The following WWOX variants were observed in gnomAD, a reference collection of about 807,000 sequenced individuals.
The protein encoded by WWOX is WW domain containing oxidoreductase.
A neutral mutation model predicts 46.2 loss-of-function variants in WWOX; 69 were observed. That is an observed-to-expected ratio of 1.49 (90% CI 1.23 to 1.82). The LOEUF is 1.82. Ranked by LOEUF, WWOX falls within the 40% of genes most tolerant of loss-of-function variation. The pLI is 0.00. For synonymous variants in WWOX, 359 were observed against 202.6 expected (o/e 1.77, Z -6.56); for missense variants, 919 against 542.6 (o/e 1.69, Z -6.89).
intron 5 of WWOX, among the ~76,000 whole-genome samples, chr16:78,363,958 C>G (rs1394060271): frequency 6.6e-6 from 1 of 152,216 alleles, no homozygotes; most frequent in South Asian, 2.1e-4. Flanking sequence ...GTCACTCTTG[C>G]TGACATCCGA....
intron 8 of WWOX, among the ~76,000 whole-genome samples, chr16:78,537,623 C>T (rs527735011): frequency 6.6e-6 from 1 of 151,900 alleles, no homozygotes; most frequent in Non-Finnish European, 1.5e-5. Context: ...CAGATAGGCT[C>T]GAAGAAAGAG....
chr16:78,894,423 A>T (rs1420527195), intron 8 of WWOX, among the ~76,000 whole-genome samples: 1 of 152,186 alleles, frequency 6.6e-6, no homozygotes, highest in Non-Finnish European at 1.5e-5. Context: ...AAGCATGTAG[A>T]TCATAAAGTC....
chr16:78,874,558 G>A (rs568267287), intron 8 of WWOX, among the ~76,000 whole-genome samples: 2 of 152,030 alleles, frequency 1.3e-5, no homozygotes, highest in Non-Finnish European at 2.9e-5. Flanking sequence ...GTTATTCATG[G>A]CAAAAGATGT....
chr16:78,805,945 C>G (rs908035278), intron 8 of WWOX, among the ~76,000 whole-genome samples: 2 of 152,106 alleles, frequency 1.3e-5, no homozygotes, highest in Non-Finnish European at 2.9e-5. Flanking sequence ...GGAATAACAC[C>G]CAATGCCACC....
At chr16:79,186,223 C>G (rs1472359813) in intron 8 of WWOX, among the ~76,000 whole-genome samples, 1 of 152,146 alleles carries the variant, frequency 6.6e-6, no homozygotes, top group Non-Finnish European at 1.5e-5. Flanking sequence ...TCAGTGTGTG[C>G]TTCCCATGGC....
chr16:78,960,918 G>A (rs1173447082), intron 8 of WWOX, among the ~76,000 whole-genome samples: 2 of 152,112 alleles, frequency 1.3e-5, no homozygotes, highest in African/African-American at 2.4e-5. Context: ...CAGAACCTAC[G>A]GGGCTTGCTT....
At chr16:78,788,708 C>G (rs4888850) in intron 8 of WWOX, among the ~76,000 whole-genome samples, 22,527 of 152,220 alleles carry the variant, frequency 0.15, 2,145 homozygotes, top group South Asian at 0.23. Flanking sequence ...GTCATCTGCT[C>G]CAGCAAATTA....
intron 8 of WWOX, among the ~76,000 whole-genome samples, chr16:78,643,090 G>A (rs769322001): frequency 6.6e-6 from 1 of 152,148 alleles, no homozygotes; most frequent in Non-Finnish European, 1.5e-5. Context: ...AAGATAAGGT[G>A]CTCTCCATTG....
At chr16:79,038,193 A>C (rs1166064488) in intron 8 of WWOX, among the ~76,000 whole-genome samples, 2 of 151,944 alleles carry the variant, frequency 1.3e-5, no homozygotes, top group African/African-American at 4.8e-5. Flanking sequence ...TTGTCAGCTC[A>C]CACCCTGTTG....
At chr16:78,667,605 A>G (rs1296007427) in intron 8 of WWOX, among the ~76,000 whole-genome samples, 2 of 141,484 alleles carry the variant, frequency 1.4e-5, no homozygotes, top group Non-Finnish European at 3.0e-5. Context: ...TGGGAGGCAG[A>G]GGTAGCAGTG....
At chr16:78,984,724 G>A (rs1276785793) in intron 8 of WWOX, among the ~76,000 whole-genome samples, 2 of 152,162 alleles carry the variant, frequency 1.3e-5, no homozygotes, top group South Asian at 2.1e-4. Context: ...TTGTAATACC[G>A]TTTAGTTAGA....
intron 8 of WWOX, among the ~76,000 whole-genome samples, chr16:79,072,890 G>C (rs1197249168): frequency 2.0e-5 from 3 of 152,156 alleles, no homozygotes; most frequent in African/African-American, 4.8e-5. Flanking sequence ...TTTGGGCTGA[G>C]ATGATGAGAA....
rs1230446159 is a variant in WWOX, at chr16:78,854,421, G to C, written c.1057-357187G>C. Among the ~76,000 whole-genome samples the C allele has an allele frequency of 2.0e-5, 3 of 152,138 alleles. No individual in the cohort carries two copies. The South Asian group carries it at 6.2e-4, about 31-fold the overall frequency. On this transcript the variant is annotated intron_variant, in intron 8 of 8. Coordinates refer to ENST00000566780, the MANE Select transcript of WWOX (RefSeq NM_016373.4). ...CATTCTAATTTGGCAGTGAGTTCAG[G>C]AGATGAAGACTGTCCTTTAGTTAAC...
chr16:78,720,796 A>G (rs114112461), intron 8 of WWOX, among the ~76,000 whole-genome samples: 1,982 of 152,220 alleles, frequency 0.013, 39 homozygotes, highest in African/African-American at 0.046. Flanking sequence ...GCAGTGCCCA[A>G]GTGCCTTCCT....
intron 8 of WWOX, among the ~76,000 whole-genome samples, chr16:78,905,868 A>C (rs2044950101): frequency 6.6e-6 from 1 of 152,196 alleles, no homozygotes; most frequent in African/African-American, 2.4e-5. Flanking sequence ...ACCCCCTCAA[A>C]ACGTGGCCCA....
At chr16:78,627,669 AG>A (rs2046340753) in intron 8 of WWOX, among the ~76,000 whole-genome samples, 1 of 152,248 alleles carries the variant, frequency 6.6e-6, no homozygotes, top group Admixed American at 6.5e-5. Context: ...AGTCATTGAC[AG>A]GGACAAGAAA....
intron 8 of WWOX, among the ~76,000 whole-genome samples, chr16:78,706,343 C>G (rs1420392705): frequency 6.6e-6 from 1 of 152,074 alleles, no homozygotes; most frequent in Non-Finnish European, 1.5e-5. Context: ...CTAAAGCACC[C>G]TTGCCATCTT....
intron 8 of WWOX, among the ~76,000 whole-genome samples, chr16:78,654,401 G>C (rs60918271): frequency 6.6e-5 from 10 of 152,258 alleles, no homozygotes; most frequent in African/African-American, 2.2e-4. Context: ...TCAACTAACT[G>C]CTGTGTACTA....
At chr16:78,728,862 T>C (rs1442425533) in intron 8 of WWOX, among the ~76,000 whole-genome samples, 1 of 152,224 alleles carries the variant, frequency 6.6e-6, no homozygotes, top group Non-Finnish European at 1.5e-5. Flanking sequence ...GTTTCCTCCT[T>C]GTTACATGGA....
Sources: gnomAD v4.1 joint callset for allele counts (sites outside exome capture counted in the v4.1 genomes callset) on GRCh38, gnomAD v4.1.1 for gene constraint, MANE v1.5 for transcripts, NCBI Gene and HGNC (gene_info 2026-07-23, HGNC 2026-07-21) for gene names.